HPR: variants seen among roughly 807,000 people sequenced by gnomAD.
HPR encodes the protein Haptoglobin-related locus.
Under a neutral mutation model 18.5 loss-of-function variants are expected in HPR, and 17 were observed. The observed-to-expected ratio is 0.92, with a 90% confidence interval of 0.63 to 1.38. The LOEUF (loss-of-function observed/expected upper bound fraction) is 1.38. Among genes scored for constraint, HPR ranks in the 40% most tolerant of loss-of-function variants. HPR has a pLI of 0.00. For missense variants in HPR, 457 were observed against 432.4 expected (o/e 1.06, Z -0.51); for synonymous variants, 176 against 165.0 (o/e 1.07, Z -0.51).
chr16:72,072,506 C>T (rs1231405156), intron 1 of HPR, among the ~76,000 whole-genome samples: 2 of 152,172 alleles, frequency 1.3e-5, no homozygotes, highest in African/African-American at 4.8e-5. Flanking sequence ...ACACCAAAAG[C>T]ACTACAAGGT....
intron 1 of HPR, among the ~76,000 whole-genome samples, chr16:72,067,279 G>A (rs529244042): frequency 5.9e-5 from 9 of 152,268 alleles, no homozygotes; most frequent in Middle Eastern, 3.4e-3. Flanking sequence ...TTCAGGAGCG[G>A]CCTGTTCCTC....
chr16:72,073,385 TTTAAGGAATCTTTGA>T (rs775581966), intron 1 of HPR, among the ~76,000 whole-genome samples: 1 of 152,174 alleles, frequency 6.6e-6, no homozygotes, highest in Non-Finnish European at 1.5e-5. Flanking sequence ...CAATTATATA[TTTAAGGAATCTTTGA>T]TTATGGAAAA....
At chr16:72,074,986 T>C (rs1340397010) in intron 3 of HPR, among the ~76,000 whole-genome samples, 159 bp from the exon 4 acceptor site, 1 of 152,138 alleles carries the variant, frequency 6.6e-6, no homozygotes, top group Non-Finnish European at 1.5e-5. Context: ...AGCACAGCAC[T>C]CTTTCCCTTC....
rs1597415004 is a variant in HPR at position 72,065,200 on chromosome 16, C to T, written c.5+1940C>T. On this transcript the variant is annotated intron_variant, in intron 1 of 4. Transcript: ENST00000540303. The stretch of plus-strand genomic sequence containing the variant: ...ATAGTCCTCCCAATGCTAAGCGGGA[C>T]TTAAAATATTCCTAGGAGGAAAGTG... Among the ~76,000 whole-genome samples the T allele has an allele frequency of 2.6e-5, 4 of 152,084 alleles. No individual in the cohort carries two copies. The South Asian group carries it at 6.2e-4, about 24-fold the overall frequency.
In HPR at chr16:72,074,314, C is replaced by T; in HGVS notation, c.122C>T (p.Ala41Val). Residue 41 changes from alanine (A) to valine (V), a missense_variant, in exon 3 of 5, where the codon GCA (alanine) becomes GTA (valine). Coordinates refer to ENST00000540303, the MANE Select transcript of HPR (RefSeq NM_020995.4). ...CGCTTCCCGAAGCCCCCTGAGATTG[C>T]AAATGGCTATGTGGAGCACTTGTTT... ...DDRFPKPPEI[A>V]NGYVEHLFRY... 1 of 1,614,060 alleles carries T rather than the reference C, an allele frequency of 6.2e-7. No homozygotes were observed. Among genetic ancestry groups the T allele is most frequent in the Non-Finnish European group, 8.5e-7 (1 of 1,179,968 alleles).
intron 1 of HPR, 98 bp from the exon 2 acceptor site, chr16:72,073,794 G>A (rs575118944): frequency 1.8e-3 from 1,252 of 706,408 alleles, no homozygotes; most frequent in Non-Finnish European, 2.1e-3. Context: ...GTGTGTGTGC[G>A]TGTGTGTGTG....
At chr16:72,070,318 CTT>C (rs1248753854) in intron 1 of HPR, among the ~76,000 whole-genome samples, 3 of 152,226 alleles carry the variant, frequency 2.0e-5, no homozygotes, top group Non-Finnish European at 4.4e-5. Context: ...CCATACTCTA[CTT>C]TCTCTTCCCT....
chr16:72,076,535 G>A lies in HPR; in HGVS notation c.501G>A (p.Val167=), dbSNP rs141761964. 5.6e-6 allele frequency: 9 copies of A among 1,614,116 alleles called. No individual in the cohort carries two copies. The East Asian group carries it at 2.0e-4, about 36-fold the overall frequency. Residue 167 remains valine (V), a synonymous_variant, in exon 5 of 5, where the codon GTG becomes GTA. Coordinates refer to ENST00000540303, the MANE Select transcript of HPR (RefSeq NM_020995.4). The part of the protein sequence containing the change: ...KDIAPTLTLY[V]GKKQLVEIEK... ...TTGCCCCTACTTTAACACTCTATGT[G>A]GGGAAAAAGCAGCTTGTAGAGATTG...
chr16:72,076,851 C>G lies in HPR; in HGVS notation c.817C>G (p.Gln273Glu), dbSNP rs765819641. The G allele has an allele frequency of 6.2e-7, 1 of 1,614,114 alleles. No homozygotes were observed. Among genetic ancestry groups the G allele is most frequent in the African/African-American group, 1.3e-5 (1 of 74,938 alleles). The change falls in exon 5 of 5, where the codon CAG (glutamine) becomes GAG (glutamate). Residue 273 changes from glutamine (Q) to glutamate (E), a missense_variant. Coordinates refer to ENST00000540303, the MANE Select transcript of HPR (RefSeq NM_020995.4). The part of the protein sequence containing the change: ...WKAPKSPVGV[Q>E]PILNEHTFCV... ...GGCACCGAAGAGCCCTGTAGGGGTG[C>G]AGCCCATACTGAACGAACACACCTT...
At chr16:72,072,847 A>G (rs1424143622) in intron 1 of HPR, among the ~76,000 whole-genome samples, 1 of 152,204 alleles carries the variant, frequency 6.6e-6, no homozygotes, top group African/African-American at 2.4e-5. Context: ...ACTGTAAAAT[A>G]TTTAACAGGG....
At chr16:72,075,833 C>T (rs866103010) in intron 4 of HPR, among the ~76,000 whole-genome samples, 11 of 142,624 alleles carry the variant, frequency 7.7e-5, no homozygotes, top group Admixed American at 3.6e-4. Context: ...TTCTTTCTTT[C>T]TTTTTTTTTT....
chr16:72,065,039 C>T (rs2041583271), intron 1 of HPR, among the ~76,000 whole-genome samples: 1 of 152,148 alleles, frequency 6.6e-6, no homozygotes, highest in African/African-American at 2.4e-5. Context: ...TTGGTGGTCA[C>T]TATATTCTGG....
intron 3 of HPR, 56 bp from the exon 4 acceptor site, chr16:72,075,089 T>C: frequency 2.8e-6 from 2 of 717,728 alleles, no homozygotes; most frequent in South Asian, 1.5e-5. Context: ...CTTCTCACTC[T>C]GCTCTGGGTG....
intron 3 of HPR, 34 bp downstream of exon 3, chr16:72,074,419 T>A (rs2041694988): frequency 6.6e-7 from 1 of 1,512,284 alleles, no homozygotes; most frequent in Non-Finnish European, 9.2e-7. Flanking sequence ...GTGCTCTACC[T>A]ACAACCCCTG....
In HPR at chr16:72,065,660, AG is replaced by A. The variant is rs781156851; in HGVS notation, c.5+2403del. On this transcript the variant is annotated intron_variant, in intron 1 of 4. Coordinates refer to ENST00000540303, the MANE Select transcript of HPR (RefSeq NM_020995.4). ...TTCTGGCCAAAGTATGGGTCGAATGAGGGTGTAATGAGTCAACTCCTAATCC... is the reference window on the plus strand; with the variant it reads ...TTCTGGCCAAAGTATGGGTCGAATGAGGTGTAATGAGTCAACTCCTAATCC... Among the ~76,000 whole-genome samples the A allele has an allele frequency of 2.2e-4, 33 of 152,314 alleles. 2 individuals are homozygous for A. Among genetic ancestry groups the A allele is most frequent in the Admixed American group, 1.0e-3 (16 of 15,308 alleles).
intron 1 of HPR, among the ~76,000 whole-genome samples, chr16:72,072,101 T>C (rs2041663624): frequency 6.6e-6 from 1 of 152,110 alleles, no homozygotes. Context: ...TTCTGCCTCC[T>C]GGGTCCAAGC....
At position 72,071,797 on chromosome 16, in the gene HPR, A is replaced by C. The variant is rs185742244; in HGVS notation, c.6-2095A>C. The stretch of plus-strand genomic sequence containing the variant: ...TTCACCCTGGCATTTCATCAACCAG[A>C]AAAGACAGAAACCAAACACTGTAAA... On this transcript the variant is annotated intron_variant, in intron 1 of 4. Coordinates refer to ENST00000540303, the MANE Select transcript of HPR (RefSeq NM_020995.4). 5.9e-5 allele frequency among the ~76,000 whole-genome samples: 9 copies of C among 152,260 alleles called. No homozygotes were observed. The East Asian group carries it at 1.7e-3, about 30-fold the overall frequency.
chr16:72,073,349 T>C (rs2041677436), intron 1 of HPR, among the ~76,000 whole-genome samples: 1 of 152,200 alleles, frequency 6.6e-6, no homozygotes. Flanking sequence ...TAGTTCTTCT[T>C]TGCAGCACCA....
rs1270605526 is a variant in HPR at position 72,076,583 on chromosome 16, C to A, written c.549C>A (p.Asn183Lys). 6.2e-7 allele frequency: 1 copy of A among 1,614,102 alleles called. No homozygotes were observed. The highest frequency in any genetic ancestry group is 8.5e-7 in the Non-Finnish European group (1 of 1,180,044). ...TTGAGAAGGTGGTTCTACACCCTAA[C>A]TACCACCAGGTAGATATTGGGCTCA... ...VEIEKVVLHP[N>K]YHQVDIGLIK... The change falls in exon 5 of 5, where the codon AAC becomes AAA. Residue 183 changes from asparagine to lysine, a missense_variant. Coordinates refer to ENST00000540303, the MANE Select transcript of HPR (RefSeq NM_020995.4).
Sources: allele counts gnomAD v4.1 joint callset (sites outside exome capture counted in the v4.1 genomes callset), GRCh38; gene constraint gnomAD v4.1.1; transcripts MANE v1.5; gene names NCBI Gene and HGNC (gene_info 2026-07-23, HGNC 2026-07-21).